CCDC178: variants seen among roughly 807,000 people sequenced by gnomAD.
The protein encoded by CCDC178 is coiled-coil domain-containing protein 178.
A neutral mutation model predicts 117.4 loss-of-function variants in CCDC178; 126 were observed. That is an observed-to-expected ratio of 1.07 (90% confidence interval 0.93 to 1.24). The LOEUF is 1.24. Ranked by LOEUF, CCDC178 falls within the 50% of genes most tolerant of loss-of-function variation. The pLI is 0.00. For missense variants in CCDC178, 1,030 were observed against 986.9 expected, an observed-to-expected ratio of 1.04 and a Z score of -0.59; for synonymous variants, 283 against 313.4, an observed-to-expected ratio of 0.90 and a Z score of 1.02.
intron 2 of CCDC178, among the ~76,000 whole-genome samples, chr18:33,413,971 C>T (rs1411780835): frequency 6.6e-6 from 1 of 152,090 alleles, no homozygotes; most frequent in African/African-American, 2.4e-5. Flanking sequence ...GCCATTCTTG[C>T]CCATTTTGTG....
intron 21 of CCDC178, among the ~76,000 whole-genome samples, chr18:33,066,029 T>C (rs1417794275): frequency 2.0e-5 from 3 of 151,878 alleles, no homozygotes; most frequent in Admixed American, 1.3e-4. Flanking sequence ...GCCTGGCTAA[T>C]TTTTTGTATT....
chr18:33,421,823 G>A (rs1407466547), intron 2 of CCDC178, among the ~76,000 whole-genome samples: 2 of 152,110 alleles, frequency 1.3e-5, no homozygotes, highest in African/African-American at 4.8e-5. Flanking sequence ...TCATAAAAAT[G>A]GACTGGTAGA....
intron 14 of CCDC178, among the ~76,000 whole-genome samples, chr18:33,256,562 G>C (rs1329635633): frequency 1.3e-5 from 2 of 152,088 alleles, no homozygotes; most frequent in African/African-American, 2.4e-5. Flanking sequence ...TTTTATTTCT[G>C]AGTTTATGTT....
chr18:33,376,143 A>G (rs566001370), intron 5 of CCDC178, among the ~76,000 whole-genome samples: 9 of 152,086 alleles, frequency 5.9e-5, no homozygotes, highest in African/African-American at 2.2e-4. Context: ...GCTGCTGATG[A>G]GTTTAAGGTG....
chr18:33,252,591 A>G (rs1039669956), intron 14 of CCDC178, among the ~76,000 whole-genome samples: 6 of 151,808 alleles, frequency 4.0e-5, no homozygotes, highest in Non-Finnish European at 7.4e-5. Context: ...TAGACTGGTA[A>G]GACATAGCTA....
intron 21 of CCDC178, among the ~76,000 whole-genome samples, chr18:33,066,207 G>A (rs1159525766): frequency 6.6e-6 from 1 of 152,030 alleles, no homozygotes; most frequent in Non-Finnish European, 1.5e-5. Flanking sequence ...TCCCAGACAA[G>A]CAAAAATTGA....
At chr18:33,113,566 G>T (rs999073501) in intron 20 of CCDC178, among the ~76,000 whole-genome samples, 2 of 151,866 alleles carry the variant, frequency 1.3e-5, no homozygotes, top group Non-Finnish European at 2.9e-5. Context: ...AAATAGCAAT[G>T]GAAGAGCACC....
chr18:33,302,450 T>C (rs939702521), intron 11 of CCDC178, among the ~76,000 whole-genome samples: 5 of 152,142 alleles, frequency 3.3e-5, no homozygotes, highest in Admixed American at 6.5e-5. Context: ...CTATGGATAA[T>C]AGTATGAAAA....
chr18:33,400,146 C>T (rs935655854), intron 3 of CCDC178, among the ~76,000 whole-genome samples: 1 of 134,988 alleles, frequency 7.4e-6, no homozygotes, highest in South Asian at 2.4e-4. Context: ...GGCCTTAAAA[C>T]ATTCAGTAAA....
chr18:33,199,944 C>G (rs530787346), intron 20 of CCDC178, among the ~76,000 whole-genome samples: 7 of 152,264 alleles, frequency 4.6e-5, no homozygotes, highest in African/African-American at 1.4e-4. Context: ...CACCACAACT[C>G]TCCTGTTGTC....
intron 21 of CCDC178, among the ~76,000 whole-genome samples, chr18:32,986,856 A>C (rs536583089): frequency 1.3e-3 from 191 of 152,192 alleles, no homozygotes; most frequent in Non-Finnish European, 2.2e-3. Context: ...TCTGAATTAA[A>C]ATTCTCTAAC....
In CCDC178 at chr18:33,370,177, C is replaced by A; in HGVS notation, c.221G>T (p.Gly74Val). The A allele has an allele frequency of 6.2e-7, 1 of 1,600,496 alleles. No individual in the cohort carries two copies. Among genetic ancestry groups the A allele is most frequent in the South Asian group, 1.1e-5 (1 of 89,094 alleles). ...KMTNTEGVNK[G>V]IYFSYPCRRH... Reference sequence around the variant, plus strand: ...TCGACATGGGTAGCTAAAGTAAATGCCTTTATTCACCCCTAAAGAGAACAA... The same window carrying A: ...TCGACATGGGTAGCTAAAGTAAATGACTTTATTCACCCCTAAAGAGAACAA... The change falls in exon 6 of 23, where the codon GGC becomes GTC. Residue 74 changes from glycine (G) to valine (V), a missense_variant. Transcript: ENST00000383096.
intron 9 of CCDC178, among the ~76,000 whole-genome samples, chr18:33,339,786 C>A (rs1308806001): frequency 6.6e-6 from 1 of 152,016 alleles, no homozygotes; most frequent in Non-Finnish European, 1.5e-5. Flanking sequence ...CTTGCCACTG[C>A]CATGTAAGAA....
At chr18:33,266,004 A>C (rs2144763917) in intron 14 of CCDC178, among the ~76,000 whole-genome samples, 1 of 152,154 alleles carries the variant, frequency 6.6e-6, no homozygotes, top group East Asian at 1.9e-4. Context: ...TAGGTTTCCA[A>C]ACCAAGAATA....
intron 20 of CCDC178, among the ~76,000 whole-genome samples, chr18:33,126,986 TAAA>T (rs1225815316): frequency 7.3e-6 from 1 of 136,128 alleles, no homozygotes; most frequent in African/African-American, 2.9e-5. Context: ...TGCATTTGGT[TAAA>T]AAAAAAAAAT....
At chr18:33,100,201 C>A (rs909918385) in intron 20 of CCDC178, among the ~76,000 whole-genome samples, 1 of 151,856 alleles carries the variant, frequency 6.6e-6, no homozygotes, top group Admixed American at 6.6e-5. Context: ...CAAAGGACTC[C>A]TCAGCTTACT....
At chr18:33,211,493 G>A (rs1195032649) in intron 20 of CCDC178, among the ~76,000 whole-genome samples, 2 of 151,684 alleles carry the variant, frequency 1.3e-5, no homozygotes, top group Non-Finnish European at 2.9e-5. Context: ...CAGGAGAAGA[G>A]CGTGACATAT....
At chr18:33,399,034 T>C (rs759460100) in intron 3 of CCDC178, among the ~76,000 whole-genome samples, 1 of 152,090 alleles carries the variant, frequency 6.6e-6, no homozygotes, top group Non-Finnish European at 1.5e-5. Context: ...TCCCTGTCTT[T>C]ACTAAAAATA....
chr18:33,214,209 T>C (rs1396893122), intron 19 of CCDC178, among the ~76,000 whole-genome samples: 1 of 152,032 alleles, frequency 6.6e-6, no homozygotes, highest in East Asian at 1.9e-4. Flanking sequence ...GCTATAAGAA[T>C]TGGATGAGAC....
Sources: allele counts gnomAD v4.1 joint callset (sites outside exome capture counted in the v4.1 genomes callset), GRCh38; gene constraint gnomAD v4.1.1; transcripts MANE v1.5; gene names NCBI Gene and HGNC (gene_info 2026-07-23, HGNC 2026-07-21).